The following NACC2 variants were observed in gnomAD, a reference collection of about 807,000 sequenced individuals.
The protein encoded by NACC2 is NACC family member 2, also known as nucleus accumbens-associated protein 2.
Under a neutral mutation model 25.1 loss-of-function variants are expected in NACC2, and 8 were observed. The ratio of observed to expected loss-of-function variants is 0.32; its 90% confidence interval spans 0.19 to 0.57. NACC2 has a LOEUF of 0.57. NACC2 is among the 20% of genes least tolerant of loss of function. The pLI is 0.89. For missense variants in NACC2, 644 were observed against 650.2 expected, an observed-to-expected ratio of 0.99 and a Z score of 0.10; for synonymous variants, 435 against 294.7, an observed-to-expected ratio of 1.48 and a Z score of -4.88.
rs1193250002 is a variant in NACC2, at chr9:136,084,723, G to A, written c.-60+10466C>T. On this transcript the variant is annotated intron_variant, in intron 1 of 5. Transcript: ENST00000277554. The surrounding 1 kb of genome is among the most constrained non-coding windows in gnomAD (Gnocchi z 5.1). ...GGTGACAGTCAAAGGAAATGGCGGC[G>A]GGCGCACACACACACATACATCACG... 2.0e-5 allele frequency among the ~76,000 whole-genome samples: 3 copies of A among 152,254 alleles called. No individual in the cohort carries two copies. Among genetic ancestry groups the A allele is most frequent in the Admixed American group, 6.5e-5 (1 of 15,290 alleles).
intron 2 of NACC2, among the ~76,000 whole-genome samples, chr9:136,023,006 T>G (rs1588559869): frequency 1.4e-5 from 1 of 72,950 alleles, no homozygotes; most frequent in African/African-American, 5.7e-5. Flanking sequence ...GGAAGAAAAA[T>G]GAAGGCAGAG....
rs936386430 is a variant in NACC2, at chr9:136,016,579, T to C, written c.887-150A>G. ...GTGAGGCCACTCTGTGCCGCTCTCC[T>C]GCTGGCCTGGGTCAGACTGGCTTCA... On this transcript the variant is annotated intron_variant, in intron 2 of 5. Transcript: ENST00000277554. The C allele has an allele frequency of 3.6e-5, 33 of 912,894 alleles. No individual in the cohort carries two copies. In the African/African-American group the frequency reaches 5.2e-4, roughly 14 times the overall value. 56.5% of individuals were successfully genotyped at this position (912,894 alleles called of 1,614,324 possible).
intron 2 of NACC2, among the ~76,000 whole-genome samples, chr9:136,023,918 TACAC>T (rs1840334890): frequency 6.6e-6 from 1 of 152,182 alleles, no homozygotes; most frequent in Non-Finnish European, 1.5e-5. Flanking sequence ...CCCACCGCCA[TACAC>T]ACGTGCATGC....
In NACC2 at chr9:136,013,183, A is replaced by AC; in HGVS notation, c.1255+15dup. On this transcript the variant is annotated intron_variant, in intron 5 of 5. Coordinates refer to ENST00000277554, the MANE Select transcript of NACC2 (RefSeq NM_144653.5). This position sits in a 1 kb window ranked among gnomAD's most constrained non-coding sequence, Gnocchi z 6.6. ...AGCCCCGGCCCCACCCACCCGAGAG[A>AC]CCCCCAGGCTCTTACATTTCACAGC... 4 of 750,190 alleles carry AC rather than the reference A, an allele frequency of 5.3e-6. No homozygotes were observed. Among genetic ancestry groups the AC allele is most frequent in the Middle Eastern group, 2.9e-4 (1 of 3,428 alleles). The allele number at this position is 750,190 out of a possible 1,614,324, so 46.5% of individuals were successfully genotyped here.
In NACC2 at chr9:136,057,359, G is replaced by A. The variant is rs576555263; in HGVS notation, c.-59-6779C>T. On this transcript the variant is annotated intron_variant, in intron 1 of 5. Transcript: ENST00000277554. ...CAGGGATGGCTCAGAGGAAGAGAAT[G>A]ACTCGAAGGGTGGGGAGGGACAGCT... Among the ~76,000 whole-genome samples the A allele has an allele frequency of 2.0e-5, 3 of 152,316 alleles. No individual in the cohort carries two copies. The South Asian group carries it at 6.2e-4, about 32-fold the overall frequency.
intron 2 of NACC2, among the ~76,000 whole-genome samples, chr9:136,023,436 G>T (rs1840328305): frequency 6.6e-6 from 1 of 152,094 alleles, no homozygotes; most frequent in African/African-American, 2.4e-5. Context: ...ATCAAACCTG[G>T]CCCCTGCCCT....
intron 2 of NACC2, among the ~76,000 whole-genome samples, chr9:136,016,946 G>A (rs1177150441): frequency 6.6e-6 from 1 of 152,088 alleles, no homozygotes; most frequent in African/African-American, 2.4e-5. Flanking sequence ...AGGTACTGTG[G>A]CCCCCAACTC....
chr9:136,018,439 C>CCA lies in NACC2; in HGVS notation c.887-2012_887-2011dup, dbSNP rs1212189010. On this transcript the variant is annotated intron_variant, in intron 2 of 5. Transcript: ENST00000277554. This position sits in a 1 kb window ranked among gnomAD's most constrained non-coding sequence, Gnocchi z 4.4. ...ACATCCTGAATCCACAGCGGGCGCCCCACTGAAGGCAGCAGGTGTTCCACT... is the reference window on the plus strand; with the variant it reads ...ACATCCTGAATCCACAGCGGGCGCCCCACACTGAAGGCAGCAGGTGTTCCACT... Among the ~76,000 whole-genome samples the CCA allele has an allele frequency of 6.6e-6, 1 of 152,054 alleles. No individual in the cohort carries two copies. Among genetic ancestry groups the CCA allele is most frequent in the African/African-American group, 2.4e-5 (1 of 41,392 alleles).
chr9:136,089,919 G>A (rs1347895354), intron 1 of NACC2, among the ~76,000 whole-genome samples: 1 of 151,620 alleles, frequency 6.6e-6, no homozygotes, highest in Non-Finnish European at 1.5e-5. Context: ...GTGTGATACG[G>A]ATTTCATTAA....
intron 1 of NACC2, among the ~76,000 whole-genome samples, chr9:136,071,001 A>G (rs1230246394): frequency 6.7e-6 from 1 of 150,176 alleles, no homozygotes; most frequent in Non-Finnish European, 1.5e-5. Context: ...AGGCTGAGGT[A>G]GGCGGATCTC....
At chr9:136,081,619 G>A (rs1337386099) in intron 1 of NACC2, among the ~76,000 whole-genome samples, 2 of 152,260 alleles carry the variant, frequency 1.3e-5, no homozygotes, top group Non-Finnish European at 2.9e-5. Context: ...TATTACGAAA[G>A]CACACTTAAA....
rs779945143 is a variant in NACC2 at position 136,022,766 on chromosome 9, C to T, written c.887-6337G>A. 6.6e-6 allele frequency among the ~76,000 whole-genome samples: 1 copy of T among 152,040 alleles called. No homozygotes were observed. Among genetic ancestry groups the T allele is most frequent in the African/African-American group, 2.4e-5 (1 of 41,400 alleles). On this transcript the variant is annotated intron_variant, in intron 2 of 5. Transcript: ENST00000277554. This position sits in a 1 kb window ranked among gnomAD's most constrained non-coding sequence, Gnocchi z 4.4. ...CCAGAAAGACCAGAAACGACTTCCA[C>T]GCTGTACTTGGTGGGAGCACAGAGG...
intron 3 of NACC2, among the ~76,000 whole-genome samples, chr9:136,014,608 G>C (rs1044937924): frequency 6.6e-6 from 1 of 152,206 alleles, no homozygotes; most frequent in African/African-American, 2.4e-5. Flanking sequence ...ACACTCTGAA[G>C]GGCTGGCTGT....
At position 136,020,076 on chromosome 9, in the gene NACC2, G is replaced by A. The variant is rs1840267135; in HGVS notation, c.887-3647C>T. ...ATGGGAAGTTCTGGAGCCGATGGCA[G>A]TGATGCTCACAAAACAGTGGGAATG... On this transcript the variant is annotated intron_variant, in intron 2 of 5. Coordinates refer to ENST00000277554, the MANE Select transcript of NACC2 (RefSeq NM_144653.5). The surrounding 1 kb of genome is among the most constrained non-coding windows in gnomAD (Gnocchi z 4.7). 6.6e-6 allele frequency among the ~76,000 whole-genome samples: 1 copy of A among 152,198 alleles called. No homozygotes were observed. Among genetic ancestry groups the A allele is most frequent in the Non-Finnish European group, 1.5e-5 (1 of 68,032 alleles).
chr9:136,046,809 C>A (rs1316094525), intron 2 of NACC2, among the ~76,000 whole-genome samples: 1 of 152,188 alleles, frequency 6.6e-6, no homozygotes, highest in Non-Finnish European at 1.5e-5. Context: ...CGCATGGAGA[C>A]CCTTGCCGTG....
Position 136,091,784 on chromosome 9 carries a change from T to C in NACC2, c.-60+3405A>G, listed in dbSNP as rs145316556. Among the ~76,000 whole-genome samples, 431 of 151,918 alleles carry C rather than the reference T, an allele frequency of 2.8e-3. 3 individuals carry two copies. The highest frequency in any genetic ancestry group is 9.9e-3 in the African/African-American group (412 of 41,418). On this transcript the variant is annotated intron_variant, in intron 1 of 5. Transcript: ENST00000277554. ...CCAGCCAGGAGGCATATTTTACAAA[T>C]GATCTCATCTCACCAAGAGCCAGGG...
At chr9:136,058,905 G>A (rs1410984724) in intron 1 of NACC2, among the ~76,000 whole-genome samples, 4 of 152,310 alleles carry the variant, frequency 2.6e-5, no homozygotes, top group African/African-American at 9.6e-5. Context: ...TCTCCTGACC[G>A]CCACCCCACC....
intron 2 of NACC2, among the ~76,000 whole-genome samples, chr9:136,023,066 AAGAG>A (rs1840317902): frequency 8.7e-5 from 3 of 34,368 alleles, no homozygotes; most frequent in African/African-American, 1.2e-4. Flanking sequence ...GGAAGGAGGG[AAGAG>A]GGAGGGAGGA....
intron 2 of NACC2, among the ~76,000 whole-genome samples, chr9:136,049,316 G>A (rs1194332405): frequency 3.9e-5 from 6 of 152,202 alleles, no homozygotes; most frequent in Admixed American, 6.5e-5. Context: ...CGTACACCGC[G>A]TGGCGCCAGG....
Sources: gnomAD v4.1 joint callset for allele counts (sites outside exome capture counted in the v4.1 genomes callset) on GRCh38, gnomAD v4.1.1 for gene constraint, Gnocchi (gnomAD v3.1) non-coding constraint, MANE v1.5 for transcripts, NCBI Gene and HGNC (gene_info 2026-07-23, HGNC 2026-07-21) for gene names.